ERN2: variants seen among roughly 807,000 people sequenced by gnomAD.
The protein encoded by ERN2 is endoplasmic reticulum to nucleus signaling 2.
A neutral mutation model predicts 107.9 loss-of-function variants in ERN2; 111 were observed. The observed-to-expected ratio is 1.03, with a 90% CI of 0.88 to 1.20. The LOEUF (loss-of-function observed/expected upper bound fraction) is 1.20, where lower values mean the gene tolerates loss of function less well. Among genes scored for constraint, ERN2 ranks in the 50% most tolerant of loss-of-function variants. ERN2 has a pLI of 0.00. For missense variants in ERN2, 1,225 were observed against 1,197.9 expected, an observed-to-expected ratio of 1.02 and a Z score of -0.33; for synonymous variants, 524 against 501.7, an observed-to-expected ratio of 1.04 and a Z score of -0.59.
intron 8 of ERN2, among the ~76,000 whole-genome samples, chr16:23,704,582 C>T (rs973700656): frequency 2.0e-5 from 3 of 152,070 alleles, no homozygotes; most frequent in African/African-American, 7.2e-5. Flanking sequence ...TGTAAATTGC[C>T]GAGTCTTGGG....
chr16:23,702,735 G>A lies in ERN2; in HGVS notation c.855-33C>T, dbSNP rs559373152. The A allele has an allele frequency of 4.3e-5, 67 of 1,566,328 alleles. No individual in the cohort carries two copies. The South Asian group carries it at 6.2e-4, about 15-fold the overall frequency. The stretch of plus-strand genomic sequence containing the variant: ...GAGAGAAGAAAAAGAAGAGAAGAAT[G>A]AATGCTGGTGATGGGTAGTTTCAGT... On this transcript the variant is annotated intron_variant, in intron 8 of 21. Transcript: ENST00000256797.
intron 13 of ERN2, 112 bp downstream of exon 13, chr16:23,700,427 T>G: frequency 9.6e-7 from 1 of 1,045,376 alleles, no homozygotes; most frequent in East Asian, 2.4e-5. Flanking sequence ...TCTTAATTCA[T>G]GTAGACCTAA....
At chr16:23,712,062 G>A (rs1960568417) in intron 1 of ERN2, 2 of 453,490 alleles carry the variant, frequency 4.4e-6, no homozygotes, top group South Asian at 3.1e-5. Context: ...TAACATCCGG[G>A]TGGCCCAGCC....
intron 13 of ERN2, among the ~76,000 whole-genome samples, chr16:23,697,559 AAC>A (rs1959881187): frequency 6.6e-6 from 1 of 152,080 alleles, no homozygotes; most frequent in East Asian, 1.9e-4. Flanking sequence ...GCATGGAGTA[AAC>A]ACTTGCTTAG....
At chr16:23,701,199 GC>G in intron 11 of ERN2, 85 bp from the exon 12 acceptor site, 3 of 1,447,324 alleles carry the variant, frequency 2.1e-6, no homozygotes, top group Non-Finnish European at 2.8e-6. Flanking sequence ...ACAGAGCTGG[GC>G]TTAGCTGAAG....
At chr16:23,705,940 G>C (rs1159302627) in intron 7 of ERN2, among the ~76,000 whole-genome samples, 1 of 152,088 alleles carries the variant, frequency 6.6e-6, no homozygotes, top group African/African-American at 2.4e-5. Flanking sequence ...AGTGGTCGGG[G>C]TCACCTGGGG....
intron 18 of ERN2, 27 bp downstream of exon 18, chr16:23,692,157 T>C: frequency 6.2e-7 from 1 of 1,613,924 alleles, no homozygotes; most frequent in Non-Finnish European, 8.5e-7. Context: ...CGTCCTCCCT[T>C]CTCTGCCCTG....
chr16:23,702,022 G>T, intron 11 of ERN2, 130 bp downstream of exon 11: 1 of 928,424 alleles, frequency 1.1e-6, no homozygotes, highest in Non-Finnish European at 1.6e-6. Flanking sequence ...AAAAAGTCTG[G>T]GAAATTGTGT....
chr16:23,706,940 C>G (rs927861156), intron 5 of ERN2, 67 bp downstream of exon 5: 4 of 1,574,552 alleles, frequency 2.5e-6, no homozygotes, highest in East Asian at 4.5e-5. Flanking sequence ...GCCTAATTAG[C>G]CGTCACGACT....
chr16:23,712,349 G>T (rs1960581227), intron 1 of ERN2: 1 of 175,712 alleles, frequency 5.7e-6, no homozygotes, highest in African/African-American at 2.4e-5. Context: ...AAAAAACCAA[G>T]ATTTCAAATC....
At position 23,690,829 on chromosome 16, in the gene ERN2, C is replaced by T. The variant is rs1959553407; in HGVS notation, c.*2G>A. The T allele has an allele frequency of 1.2e-6, 2 of 1,608,676 alleles. No individual in the cohort carries two copies. The highest frequency in any genetic ancestry group is 4.5e-5 in the East Asian group (2 of 44,872). On this transcript the variant is annotated 3_prime_UTR_variant, in exon 22 of 22. Transcript: ENST00000256797. Reference sequence around the variant, plus strand: ...GACCATCTGTGTGGCATCCAGCCCACCTCACCTCCCTGTGGCCCCAGGGCA... The same window carrying T: ...GACCATCTGTGTGGCATCCAGCCCATCTCACCTCCCTGTGGCCCCAGGGCA...
At chr16:23,710,011 T>C in intron 4 of ERN2, 161 bp downstream of exon 4, 2 of 610,120 alleles carry the variant, frequency 3.3e-6, no homozygotes, top group Non-Finnish European at 6.0e-6. Context: ...TTACCACCCT[T>C]TCAACAGGTC....
chr16:23,698,498 A>G (rs1422973923), intron 13 of ERN2, among the ~76,000 whole-genome samples: 1 of 152,250 alleles, frequency 6.6e-6, no homozygotes, highest in Non-Finnish European at 1.5e-5. Flanking sequence ...TATTGAATAC[A>G]TGATGCAGCC....
Position 23,695,047 on chromosome 16 carries a change from G to A in ERN2, c.1872C>T (p.Gly624=). The change falls in exon 16 of 22, where the codon GGC becomes GGT. Residue 624 remains glycine (G), a synonymous_variant. Transcript: ENST00000256797. The stretch of plus-strand genomic sequence containing the variant: ...TGTGTAAAGAGTGCAGGTGGGCCAG[G>A]CCAGACATCAGCTGCTGCAGCACGA... ...PEVVLQQLMS[G]LAHLHSLHIV... is the part of the protein sequence containing the mutation. The A allele has an allele frequency of 6.2e-7, 1 of 1,613,684 alleles. No homozygotes were observed. Among genetic ancestry groups the A allele is most frequent in the South Asian group, 1.1e-5 (1 of 91,012 alleles).
intron 13 of ERN2, among the ~76,000 whole-genome samples, chr16:23,697,547 C>T (rs887024464): frequency 3.9e-5 from 6 of 152,114 alleles, no homozygotes; most frequent in East Asian, 3.9e-4. Context: ...TCAGTACTCT[C>T]GGCATGGAGT....
chr16:23,700,455 C>G, intron 13 of ERN2, 84 bp downstream of exon 13: 1 of 1,431,248 alleles, frequency 7.0e-7, no homozygotes, highest in South Asian at 1.4e-5. Context: ...ACTATAGTGG[C>G]TTTTAATAAA....
intron 1 of ERN2, among the ~76,000 whole-genome samples, chr16:23,711,827 T>A (rs982637664): frequency 6.6e-6 from 1 of 152,224 alleles, no homozygotes; most frequent in African/African-American, 2.4e-5. Context: ...CTTTTTCCTC[T>A]GCCACAATGT....
intron 13 of ERN2, 98 bp from the exon 14 acceptor site, chr16:23,696,076 C>T: frequency 1.2e-6 from 1 of 849,906 alleles, no homozygotes; most frequent in Middle Eastern, 2.5e-4. Context: ...GGGCCTCCAC[C>T]CTCCCATGCT....
intron 6 of ERN2, 138 bp from the exon 7 acceptor site, chr16:23,706,569 G>A (rs1960323808): frequency 1.3e-6 from 1 of 754,304 alleles, no homozygotes; most frequent in African/African-American, 1.8e-5. Flanking sequence ...CATCACAGTG[G>A]CAGAGACTGG....
Sources: allele counts gnomAD v4.1 joint callset (sites outside exome capture counted in the v4.1 genomes callset), GRCh38; gene constraint gnomAD v4.1.1; transcripts MANE v1.5; gene names NCBI Gene and HGNC (gene_info 2026-07-23, HGNC 2026-07-21).